The following TSPEAR variants were observed in gnomAD, a reference collection of about 807,000 sequenced individuals.
TSPEAR encodes the protein thrombospondin type laminin G domain and EAR repeats.
In TSPEAR, 69 loss-of-function variants were observed where a neutral mutation model predicts 71.6. That is an observed-to-expected ratio of 0.96 (90% CI 0.79 to 1.18). TSPEAR has a LOEUF of 1.18. Ranked by LOEUF, TSPEAR falls within the 50% of genes most tolerant of loss-of-function variation. TSPEAR has a pLI of 0.00. For missense variants in TSPEAR, 971 were observed against 894.9 expected (o/e 1.09, Z -1.09); for synonymous variants, 402 against 387.2 (o/e 1.04, Z -0.45).
chr21:44,610,314 G>A (rs2016784552), intron 1 of TSPEAR, among the ~76,000 whole-genome samples: 1 of 152,178 alleles, frequency 6.6e-6, no homozygotes, highest in Non-Finnish European at 1.5e-5. Flanking sequence ...GGCCTGGGAG[G>A]AAAAAGTGGT....
At chr21:44,573,663 A>C (rs1044337546) in intron 1 of TSPEAR, 2 of 1,543,924 alleles carry the variant, frequency 1.3e-6, no homozygotes, top group Non-Finnish European at 1.7e-6. Context: ...ACCAAGGAGG[A>C]GTATAAAAGC....
At chr21:44,570,823 AT>A (rs1555922426) in intron 1 of TSPEAR, among the ~76,000 whole-genome samples, 1 of 152,226 alleles carries the variant, frequency 6.6e-6, no homozygotes, top group African/African-American at 2.4e-5. Context: ...TTGCTAAACA[AT>A]TGTCAGAAAT....
chr21:44,676,256 C>T (rs1241771112), intron 1 of TSPEAR: 33 of 1,284,642 alleles, frequency 2.6e-5, no homozygotes, highest in Non-Finnish European at 3.7e-5. Context: ...CTAAGGGTCT[C>T]TTCACTGTAC....
In TSPEAR at chr21:44,687,915, C is replaced by T. The variant is rs782222270; in HGVS notation, c.82+23518G>A. Among the ~76,000 whole-genome samples, 2 of 152,184 alleles carry T rather than the reference C, an allele frequency of 1.3e-5. No individual in the cohort carries two copies. The highest frequency in any genetic ancestry group is 2.9e-5 in the Non-Finnish European group (2 of 68,042). The stretch of plus-strand genomic sequence containing the variant: ...GTTGCTGCACCTTCCCCTGCAGTGC[C>T]TGTGAAATATGATGCACTGACAGAG... On this transcript the variant is annotated intron_variant, in intron 1 of 11. Coordinates refer to ENST00000323084, the MANE Select transcript of TSPEAR (RefSeq NM_144991.3). This position sits in a 1 kb window ranked among gnomAD's most constrained non-coding sequence, Gnocchi z 4.4.
At position 44,500,475 on chromosome 21, in the gene TSPEAR, C is replaced by T. The variant is rs144428794; in HGVS notation, c.1857-539G>A. ...ATCCCAGGAGCTTCCATTTCCGAGG[C>T]GTGGAGTCCCCAAGGCAGGGCGCCG... On this transcript the variant is annotated intron_variant, in intron 11 of 11. Transcript: ENST00000323084. 6.1e-3 allele frequency among the ~76,000 whole-genome samples: 923 copies of T among 152,344 alleles called. 15 individuals are homozygous for T. Among genetic ancestry groups the T allele is most frequent in the African/African-American group, 0.019 (805 of 41,588 alleles).
At chr21:44,676,150 T>A in intron 1 of TSPEAR, 1 of 982,276 alleles carries the variant, frequency 1.0e-6, no homozygotes, top group Non-Finnish European at 1.7e-6. Flanking sequence ...AAGCAGGGAC[T>A]GCAGGTAGGA....
intron 1 of TSPEAR, among the ~76,000 whole-genome samples, chr21:44,626,612 G>A (rs1434674543): frequency 1.3e-5 from 2 of 152,212 alleles, no homozygotes; most frequent in African/African-American, 4.8e-5. Flanking sequence ...AATGAACAGA[G>A]GGCAGGAGGC....
At chr21:44,673,149 A>G (rs1701648276) in intron 1 of TSPEAR, among the ~76,000 whole-genome samples, 1 of 152,234 alleles carries the variant, frequency 6.6e-6, no homozygotes, top group Admixed American at 6.5e-5. Flanking sequence ...TAAAAATAGC[A>G]AGAAGAAAGC....
intron 1 of TSPEAR, among the ~76,000 whole-genome samples, chr21:44,664,626 A>G (rs1458448956): frequency 6.6e-6 from 1 of 152,208 alleles, no homozygotes; most frequent in Non-Finnish European, 1.5e-5. Context: ...AAGAAGAACA[A>G]AATTGGAGAA....
chr21:44,646,357 G>T (rs2248350), intron 1 of TSPEAR: 23 of 1,480,778 alleles, frequency 1.6e-5, no homozygotes, highest in Non-Finnish European at 2.1e-5. Flanking sequence ...GCCAGGGAGG[G>T]ATTTAAAAGC....
chr21:44,558,843 T>C, intron 2 of TSPEAR: 1 of 1,265,416 alleles, frequency 7.9e-7, no homozygotes, highest in South Asian at 1.5e-5. Context: ...CTGTGTTGAT[T>C]GTGCTGCCCC....
At chr21:44,675,907 G>A (rs1260446670) in intron 1 of TSPEAR, 31 of 758,120 alleles carry the variant, frequency 4.1e-5, no homozygotes, top group Non-Finnish European at 3.2e-5. Context: ...TGCCTACGGC[G>A]CTGGCATATG....
At chr21:44,534,044 A>AGGGGC in intron 2 of TSPEAR, 121 bp from the exon 3 acceptor site, 2 of 695,562 alleles carry the variant, frequency 2.9e-6, no homozygotes, top group South Asian at 3.5e-5. Context: ...GGCTGACTGG[A>AGGGGC]GGGGCGAGGT....
In TSPEAR at chr21:44,522,119, C is replaced by G. The variant is rs782525274; in HGVS notation, c.1337-7G>C. 8.7e-6 allele frequency: 14 copies of G among 1,613,534 alleles called. No homozygotes were observed. The South Asian group carries it at 1.3e-4, about 15-fold the overall frequency. ...TCGATGTTGTGGTTGTCGCCTGGAA[C>G]CAAGGGACTGTGCTGGGGGCAGGGA... On this transcript the variant is annotated splice_polypyrimidine_tract_variant and splice_region_variant and intron_variant, in intron 8 of 11. Transcript: ENST00000323084.
Position 44,529,800 on chromosome 21 carries a change from T to C in TSPEAR, c.788A>G (p.Tyr263Cys), listed in dbSNP as rs782563551. Residue 263 changes from tyrosine to cysteine, a missense_variant and splice_region_variant, in exon 5 of 12, where the codon TAT (tyrosine) becomes TGT (cysteine). Tyr to Cys is a radical substitution (Grantham distance 194). Transcript: ENST00000323084. Reference sequence around the variant, plus strand: ...GGGCGGGTGGCCCCCCTACTAACCATAGGGATATTTTAGCACCTCGTTATC... The same window carrying C: ...GGGCGGGTGGCCCCCCTACTAACCACAGGGATATTTTAGCACCTCGTTATC... ...PEDNEVLKYP[Y>C]ETNIRVTLGP... is the part of the protein sequence containing the mutation. 5 of 1,613,678 alleles carry C rather than the reference T, an allele frequency of 3.1e-6. No homozygotes were observed. The highest frequency in any genetic ancestry group is 1.1e-5 in the South Asian group (1 of 91,088).
At chr21:44,606,163 CAA>C (rs61407657) in intron 1 of TSPEAR, among the ~76,000 whole-genome samples, 1,944 of 70,998 alleles carry the variant, frequency 0.027, 48 homozygotes, top group African/African-American at 0.073. Context: ...GACCCTGGCT[CAA>C]AAAAAAAAAA....
At chr21:44,668,478 T>G (rs1479853581) in intron 1 of TSPEAR, among the ~76,000 whole-genome samples, 1 of 152,244 alleles carries the variant, frequency 6.6e-6, no homozygotes, top group Non-Finnish European at 1.5e-5. Context: ...CAAAGCAATC[T>G]ACAGATTCAA....
At chr21:44,573,708 C>T in intron 1 of TSPEAR, 13 of 1,584,456 alleles carry the variant, frequency 8.2e-6, no homozygotes, top group Non-Finnish European at 1.0e-5. Context: ...ACTCGCTCAC[C>T]CACTCCCTCC....
chr21:44,613,563 G>C (rs1292187516), intron 1 of TSPEAR, among the ~76,000 whole-genome samples: 2 of 152,162 alleles, frequency 1.3e-5, no homozygotes, highest in African/African-American at 4.8e-5. Flanking sequence ...CTCCAGGCCT[G>C]GTCACCCTCC....
Sources: allele counts gnomAD v4.1 joint callset (sites outside exome capture counted in the v4.1 genomes callset), GRCh38; gene constraint gnomAD v4.1.1; non-coding constraint Gnocchi (gnomAD v3.1); transcripts MANE v1.5; gene names NCBI Gene and HGNC (gene_info 2026-07-23, HGNC 2026-07-21).